Variants in NCOR1 observed in about 807,000 individuals in gnomAD.
NCOR1 encodes nuclear receptor corepressor 1, also known as protein phosphatase 1, regulatory subunit 109.
NCOR1 carries 63 observed loss-of-function variants against 288.1 expected under a neutral mutation model. The observed-to-expected ratio is 0.22, with a 90% CI of 0.18 to 0.27. The LOEUF (loss-of-function observed/expected upper bound fraction) is 0.27, where lower values mean the gene tolerates loss of function less well. Ranked by LOEUF, NCOR1 falls within the 10% of genes least tolerant of loss-of-function variation. The pLI is 1.00. For synonymous variants in NCOR1, 1,007 were observed against 1,065.9 expected (o/e 0.94, Z 1.08); for missense variants, 2,397 against 3,019.2 (o/e 0.79, Z 4.83).
At chr17:16,095,549 C>A (rs1164606165) in intron 21 of NCOR1, among the ~76,000 whole-genome samples, 1 of 132,848 alleles carries the variant, frequency 7.5e-6, no homozygotes, top group African/African-American at 2.8e-5. Context: ...GGGGGGTCAG[C>A]CCCCCGCCCG....
At chr17:16,114,830 C>A (rs142672413) in intron 18 of NCOR1, among the ~76,000 whole-genome samples, 2 of 152,182 alleles carry the variant, frequency 1.3e-5, no homozygotes, top group South Asian at 4.1e-4. Context: ...TGAGTGTCTG[C>A]GGCTTTTCCA....
intron 5 of NCOR1, among the ~76,000 whole-genome samples, chr17:16,162,828 T>C (rs1414804066): frequency 6.6e-6 from 1 of 152,016 alleles, no homozygotes; most frequent in African/African-American, 2.4e-5. Flanking sequence ...CGAGAAGAAA[T>C]GGTGAGCACA....
intron 44 of NCOR1, among the ~76,000 whole-genome samples, chr17:16,037,265 C>A (rs1036382796): frequency 6.6e-6 from 1 of 152,086 alleles, no homozygotes; most frequent in African/African-American, 2.4e-5. Flanking sequence ...GGTCACTGAT[C>A]ACCATCACAG....
rs376525555 is a variant in NCOR1 at position 16,184,453 on chromosome 17, T to C, written c.242+2101A>G. On this transcript the variant is annotated intron_variant, in intron 3 of 45. Coordinates refer to ENST00000268712, the MANE Select transcript of NCOR1 (RefSeq NM_006311.4). Reference sequence around the variant, plus strand: ...AAAACGTAAAAATCACCAACAGGTATATGAAAAGATGTTCAGTATCATTAG... The same window carrying C: ...AAAACGTAAAAATCACCAACAGGTACATGAAAAGATGTTCAGTATCATTAG... Among the ~76,000 whole-genome samples, 7 of 152,324 alleles carry C rather than the reference T, an allele frequency of 4.6e-5. No homozygotes were observed. The East Asian group carries it at 1.2e-3, about 25-fold the overall frequency.
intron 44 of NCOR1, 174 bp downstream of exon 44, chr17:16,039,259 T>G: frequency 1.6e-6 from 1 of 622,862 alleles, no homozygotes; most frequent in Admixed American, 3.0e-5. Flanking sequence ...TCTGTTCATA[T>G]TATAATGTCT....
intron 14 of NCOR1, among the ~76,000 whole-genome samples, chr17:16,131,684 C>A (rs911355924): frequency 6.6e-6 from 1 of 152,094 alleles, no homozygotes; most frequent in Non-Finnish European, 1.5e-5. Context: ...ATATCTTAAG[C>A]CTATCTTATC....
At chr17:16,213,334 T>C (rs943041622) in intron 1 of NCOR1, among the ~76,000 whole-genome samples, 2 of 146,980 alleles carry the variant, frequency 1.4e-5, no homozygotes, top group African/African-American at 5.0e-5. Flanking sequence ...CTACTCAAAG[T>C]ACAAAAAAAT....
chr17:16,186,869 T>C (rs752784814), intron 2 of NCOR1, among the ~76,000 whole-genome samples, 182 bp from the exon 3 acceptor site: 13 of 152,054 alleles, frequency 8.5e-5, no homozygotes, highest in Admixed American at 2.6e-4. Context: ...TATATATCAT[T>C]AAAAAAATCC....
chr17:16,169,654 A>AC (rs2082735599), intron 4 of NCOR1, among the ~76,000 whole-genome samples: 1 of 152,154 alleles, frequency 6.6e-6, no homozygotes, highest in Admixed American at 6.5e-5. Context: ...TAGGTCACTT[A>AC]ATTTTTCTGA....
chr17:16,214,950 A>G (rs902229071), intron 1 of NCOR1, among the ~76,000 whole-genome samples: 2 of 152,112 alleles, frequency 1.3e-5, no homozygotes, highest in East Asian at 3.9e-4. Flanking sequence ...AGCCCCTTCT[A>G]CACTTCCAAG....
At chr17:16,052,880 T>C (rs1421103662) in intron 40 of NCOR1, among the ~76,000 whole-genome samples, 1 of 152,010 alleles carries the variant, frequency 6.6e-6, no homozygotes, top group Non-Finnish European at 1.5e-5. Context: ...CCCAGCAAAA[T>C]ATTAAAAAGC....
intron 11 of NCOR1, among the ~76,000 whole-genome samples, chr17:16,142,239 T>C (rs1454544623): frequency 6.6e-6 from 1 of 152,236 alleles, no homozygotes; most frequent in Non-Finnish European, 1.5e-5. Context: ...ATTTTACTTA[T>C]CTAAATTATT....
intron 19 of NCOR1, among the ~76,000 whole-genome samples, chr17:16,106,540 C>G (rs892570337): frequency 1.3e-5 from 2 of 151,940 alleles, no homozygotes; most frequent in African/African-American, 4.8e-5. Context: ...GAAAGATACT[C>G]AAACACTCAG....
chr17:16,064,886 A>G lies in NCOR1; in HGVS notation c.5085T>C (p.Ser1695=), dbSNP rs756245711. 8.1e-6 allele frequency: 13 copies of G among 1,611,804 alleles called. No homozygotes were observed. The South Asian group carries it at 1.4e-4, about 18-fold the overall frequency. The part of the protein sequence containing the change: ...QITFPPRPYN[S]ASMSPGHPTH... ...CAATCTCACCTGGAGACATGGAAGC[A>G]GAGTTGTACGGCCTGGGAGGGAAAG... Residue 1695 remains serine (S), a synonymous_variant, in exon 34 of 46, where the codon TCT becomes TCC. Transcript: ENST00000268712.
intron 26 of NCOR1, among the ~76,000 whole-genome samples, chr17:16,079,741 A>C (rs1479825877): frequency 6.6e-6 from 1 of 152,222 alleles, no homozygotes; most frequent in Non-Finnish European, 1.5e-5. Context: ...CAGTTTGCAA[A>C]TAAGTGACCT....
At chr17:16,112,493 G>T (rs988206039) in intron 18 of NCOR1, among the ~76,000 whole-genome samples, 1 of 152,090 alleles carries the variant, frequency 6.6e-6, no homozygotes, top group Non-Finnish European at 1.5e-5. Context: ...AGGCCGCAGA[G>T]AACTTTTCTT....
intron 40 of NCOR1, 136 bp downstream of exon 40, chr17:16,057,378 G>A (rs1440471379): frequency 1.2e-6 from 1 of 817,320 alleles, no homozygotes. Flanking sequence ...GCAGGGGGAA[G>A]AAAGCTCATT....
intron 8 of NCOR1, among the ~76,000 whole-genome samples, chr17:16,150,248 A>C (rs182252019): frequency 1.1e-3 from 165 of 152,178 alleles, no homozygotes; most frequent in Non-Finnish European, 2.1e-3. Flanking sequence ...CTCAGGACTA[A>C]CAGTGACACT....
Position 16,070,332 on chromosome 17 carries a change from G to A in NCOR1, c.4346C>T (p.Thr1449Met), listed in dbSNP as rs779429826. The A allele has an allele frequency of 1.3e-5, 21 of 1,614,032 alleles. No individual in the cohort carries two copies. The highest frequency in any genetic ancestry group is 4.5e-5 in the East Asian group (2 of 44,896). Reference sequence around the variant, plus strand: ...GGAGGGGCCAGAGCTTACCACTGACGTGTGCCGGGAACGCACGGTCTCGCC... The same window carrying A: ...GGAGGGGCCAGAGCTTACCACTGACATGTGCCGGGAACGCACGGTCTCGCC... Reference protein sequence around the residue: ...KAGETVRSRHTSVVSSGPSVL... With the variant: ...KAGETVRSRHMSVVSSGPSVL... Residue 1449 changes from threonine (T) to methionine (M), a missense_variant, in exon 31 of 46, where the codon ACG (threonine) becomes ATG (methionine). By Grantham distance (81) the Thr-to-Met change is moderately conservative. Coordinates refer to ENST00000268712, the MANE Select transcript of NCOR1 (RefSeq NM_006311.4).
Sources: allele counts gnomAD v4.1 joint callset (sites outside exome capture counted in the v4.1 genomes callset), GRCh38; gene constraint gnomAD v4.1.1; transcripts MANE v1.5; gene names NCBI Gene and HGNC (gene_info 2026-07-23, HGNC 2026-07-21).